The following DNAH1 variants were observed in gnomAD, a reference collection of about 807,000 sequenced individuals.
The protein encoded by DNAH1 is dynein axonemal heavy chain 1, also known as axonemal beta dynein heavy chain 1.
DNAH1 carries 327 observed loss-of-function variants against 484.3 expected under a neutral mutation model. That is an observed-to-expected ratio of 0.68 (90% CI 0.62 to 0.74). The LOEUF (loss-of-function observed/expected upper bound fraction) is 0.74. Ranked by LOEUF, DNAH1 falls within the 30% of genes least tolerant of loss-of-function variation. The pLI is 0.00. For missense variants in DNAH1, 5,052 were observed against 5,546.8 expected (o/e 0.91, Z 2.83); for synonymous variants, 2,192 against 2,191.9 (o/e 1.00, Z 0.00).
At chr3:52,323,949 G>A in intron 3 of DNAH1, 69 bp downstream of exon 3, 1 of 1,250,524 alleles carries the variant, frequency 8.0e-7, no homozygotes, top group Non-Finnish European at 1.1e-6. Context: ...TGGCCTCAGG[G>A]AGACAGCCTT....
chr3:52,382,268 A>G, intron 49 of DNAH1, 52 bp from the exon 50 acceptor site: 2 of 1,613,578 alleles, frequency 1.2e-6, no homozygotes, highest in South Asian at 2.2e-5. Flanking sequence ...ACCACCCTTC[A>G]GCGTCTGGCC....
rs1344279687 is a variant in DNAH1 at position 52,357,810 on chromosome 3, C to T, written c.3980+75C>T. Reference sequence around the variant, plus strand: ...TGAGGTGTCCAGGGCCCTGCTCAGGCTAGGGTGCGGGGATGTCAGCAGGAC... The same window carrying T: ...TGAGGTGTCCAGGGCCCTGCTCAGGTTAGGGTGCGGGGATGTCAGCAGGAC... On this transcript the variant is annotated intron_variant, in intron 23 of 77. Transcript: ENST00000420323. 5.7e-6 allele frequency: 9 copies of T among 1,575,748 alleles called. No individual in the cohort carries two copies. In the East Asian group the frequency reaches 2.1e-4, roughly 37 times the overall value.
In DNAH1 at chr3:52,391,311, C is replaced by T. The variant is rs1411652469; in HGVS notation, c.9874C>T (p.Pro3292Ser). 1 of 1,611,034 alleles carries T rather than the reference C, an allele frequency of 6.2e-7. No individual in the cohort carries two copies. Among genetic ancestry groups the T allele is most frequent in the Non-Finnish European group, 8.5e-7 (1 of 1,178,620 alleles). Residue 3292 changes from proline (P) to serine (S), a missense_variant, in exon 62 of 78, where the codon CCA becomes TCA. Coordinates refer to ENST00000420323, the MANE Select transcript of DNAH1 (RefSeq NM_015512.5). ...VGEELDPALE[P>S]VLLKQTYKQQ... The stretch of plus-strand genomic sequence containing the variant: ...CGAGGAGCTAGACCCAGCCCTGGAG[C>T]CAGTGCTGCTCAAGCAGGTGGGTCT...
chr3:52,356,323 G>A (rs1033031140), intron 21 of DNAH1, among the ~76,000 whole-genome samples: 1 of 152,204 alleles, frequency 6.6e-6, no homozygotes, highest in Non-Finnish European at 1.5e-5. Flanking sequence ...CTTTGCTGGC[G>A]TGGGTGTGTT....
At chr3:52,398,748 T>A (rs1704755686) in intron 75 of DNAH1, 102 bp from the exon 76 acceptor site, 2 of 1,026,748 alleles carry the variant, frequency 1.9e-6, no homozygotes, top group East Asian at 5.4e-5. Flanking sequence ...TTAGCCTCTA[T>A]GTTTTGCCAT....
Position 52,372,274 on chromosome 3 carries a change from T to C in DNAH1, c.6714T>C (p.Ser2238=). 7 of 1,613,978 alleles carry C rather than the reference T, an allele frequency of 4.3e-6. No homozygotes were observed. Among genetic ancestry groups the C allele is most frequent in the Non-Finnish European group, 5.9e-6 (7 of 1,179,856 alleles). Residue 2238 remains serine, a synonymous_variant, in exon 43 of 78, where the codon TCT becomes TCC. Coordinates refer to ENST00000420323, the MANE Select transcript of DNAH1 (RefSeq NM_015512.5). The stretch of plus-strand genomic sequence containing the variant: ...GCACGGGGAAGACGCTCACCATCTC[T>C]GACAAGCTCCTCAAGAACCTGGCAC... ...PTGTGKTLTI[S]DKLLKNLALD...
rs927264387 is a variant in DNAH1 at position 52,390,894 on chromosome 3, C to T, written c.9622-41C>T. ...CTGATGCCCTCAGTGACCCTGCTTG[C>T]AGGAAAGCTCTGACCCAGTCCAGTG... On this transcript the variant is annotated intron_variant, in intron 60 of 77. Transcript: ENST00000420323. 3.2e-6 allele frequency: 5 copies of T among 1,549,770 alleles called. No homozygotes were observed. In the African/African-American group the frequency reaches 5.5e-5, roughly 17 times the overall value.
chr3:52,398,823 C>T, intron 75 of DNAH1, 27 bp from the exon 76 acceptor site: 3 of 1,495,996 alleles, frequency 2.0e-6, no homozygotes, highest in South Asian at 1.4e-5. Context: ...CAGCCCACTA[C>T]CTATTCTCTT....
Position 52,353,078 on chromosome 3 carries a change from C to T in DNAH1, c.3028-25C>T. On this transcript the variant is annotated intron_variant, in intron 18 of 77. Transcript: ENST00000420323. This position sits in a 1 kb window ranked among gnomAD's most constrained non-coding sequence, Gnocchi z 5.0. Reference sequence around the variant, plus strand: ...ACTGGGAAGTGTCCCAAGACAGCCCCAGCCCTGCCCTCCTGTCCCTGCAGT... The same window carrying T: ...ACTGGGAAGTGTCCCAAGACAGCCCTAGCCCTGCCCTCCTGTCCCTGCAGT... 6.3e-7 allele frequency: 1 copy of T among 1,598,632 alleles called. No homozygotes were observed. The highest frequency in any genetic ancestry group is 1.1e-5 in the South Asian group (1 of 88,592).
chr3:52,375,982 G>C lies in DNAH1; in HGVS notation c.7187G>C (p.Arg2396Pro), dbSNP rs200988349. ...LDGLLGEKSY[R>P]ERVPGAPHIA... The stretch of plus-strand genomic sequence containing the variant: ...GGACTCCTTGGAGAAAAAAGCTACC[G>C]GGAGCGTGTGCGTAAGTGTGGGCCT... The change falls in exon 46 of 78, where the codon CGG becomes CCG. Residue 2396 changes from arginine to proline, a missense_variant. Arg to Pro is a moderately radical substitution (Grantham distance 103, BLOSUM62 -2). This residue lies in a region of DNAH1 where 2,929 missense variants were observed against 3,409.4 expected (regional missense o/e 0.86). Coordinates refer to ENST00000420323, the MANE Select transcript of DNAH1 (RefSeq NM_015512.5). The C allele has an allele frequency of 6.2e-7, 1 of 1,612,194 alleles. No homozygotes were observed. Among genetic ancestry groups the C allele is most frequent in the Non-Finnish European group, 8.5e-7 (1 of 1,179,398 alleles).
chr3:52,323,850 C>G lies in DNAH1; in HGVS notation c.376C>G (p.Gln126Glu). The part of the protein sequence containing the change: ...GPRMSQNLLR[Q>E]ADLDKFTPRV... ...CCGAATGAGCCAGAACCTCCTGCGG[C>G]AGGCTGACCTTGACAAGTTCACCCC... Residue 126 changes from glutamine to glutamate, a missense_variant, in exon 3 of 78, where the codon CAG becomes GAG. Coordinates refer to ENST00000420323, the MANE Select transcript of DNAH1 (RefSeq NM_015512.5). 1 of 1,584,030 alleles carries G rather than the reference C, an allele frequency of 6.3e-7. No individual in the cohort carries two copies. The highest frequency in any genetic ancestry group is 8.6e-7 in the Non-Finnish European group (1 of 1,165,032).
the DNAH1 span, among the ~76,000 whole-genome samples, chr3:52,311,053 C>A: frequency 1.3e-5 from 2 of 152,204 alleles, no homozygotes; most frequent in Non-Finnish European, 2.9e-5. Flanking sequence ...GTTTTTCACA[C>A]CCGGGACTTG....
Position 52,391,156 on chromosome 3 carries a change from C to T in DNAH1, c.9742-23C>T, listed in dbSNP as rs201050574. The T allele has an allele frequency of 3.8e-3, 6,138 of 1,613,448 alleles. 13 individuals carry two copies. The highest frequency in any genetic ancestry group is 4.8e-3 in the Non-Finnish European group (5,689 of 1,179,490). On this transcript the variant is annotated intron_variant, in intron 61 of 77. Coordinates refer to ENST00000420323, the MANE Select transcript of DNAH1 (RefSeq NM_015512.5). ...GGCTGGCTCTCAGTCCCTGCAACCC[C>T]TTCTTTTCCCCTTCCCTTACAGGAG...
Position 52,395,138 on chromosome 3 carries a change from A to G in DNAH1, c.10968+79A>G. The G allele has an allele frequency of 1.3e-6, 2 of 1,534,040 alleles. No homozygotes were observed. Among genetic ancestry groups the G allele is most frequent in the East Asian group, 4.8e-5 (2 of 41,470 alleles). The stretch of plus-strand genomic sequence containing the variant: ...GTCCCAGGGCCCTGGCTGCATCTGG[A>G]TAGACTACTTGGCCAGGCCAGGACC... On this transcript the variant is annotated intron_variant, in intron 68 of 77. Coordinates refer to ENST00000420323, the MANE Select transcript of DNAH1 (RefSeq NM_015512.5). The surrounding 1 kb of genome is among the most constrained non-coding windows in gnomAD (Gnocchi z 4.4).
Position 52,397,820 on chromosome 3 carries a change from C to T in DNAH1, c.11901C>T (p.Gly3967=), listed in dbSNP as rs1704704284. 1 of 1,612,784 alleles carries T rather than the reference C, an allele frequency of 6.2e-7. No homozygotes were observed. The highest frequency in any genetic ancestry group is 8.5e-7 in the Non-Finnish European group (1 of 1,179,386). Reference sequence around the variant, plus strand: ...AGAACGAGACGTTCGCCCTCCTGGGCACCATCATCCAGCTGCAACCCAAAT... The same window carrying T: ...AGAACGAGACGTTCGCCCTCCTGGGTACCATCATCCAGCTGCAACCCAAAT... The part of the protein sequence containing the change: ...FAQNETFALL[G]TIIQLQPKSS... Residue 3967 remains glycine (G), a synonymous_variant, in exon 74 of 78, where the codon GGC becomes GGT. Coordinates refer to ENST00000420323, the MANE Select transcript of DNAH1 (RefSeq NM_015512.5).
chr3:52,394,675 C>T lies in DNAH1; in HGVS notation c.10823+14C>T. The T allele has an allele frequency of 1.3e-6, 2 of 1,553,444 alleles. No homozygotes were observed. The highest frequency in any genetic ancestry group is 1.7e-6 in the Non-Finnish European group (2 of 1,146,352). On this transcript the variant is annotated intron_variant, in intron 67 of 77. Transcript: ENST00000420323. ...TGAGCCCCACCGGTTAGCTGGGCCC[C>T]AGAATATGGCAGGATGAGCCCATCG...
chr3:52,335,580 A>T (rs573459902), intron 8 of DNAH1, among the ~76,000 whole-genome samples: 2 of 152,028 alleles, frequency 1.3e-5, no homozygotes, highest in Admixed American at 1.3e-4. Flanking sequence ...AAGTGCTGGG[A>T]TTATAGGTGT....
rs1308456898 is a variant in DNAH1, at chr3:52,388,435, C to A, written c.9189C>A (p.Ala3063=). The part of the protein sequence containing the change: ...VEPKRQALLE[A]QDDLGVTQRI... ...CCCCACAGCAAGCCCTGCTGGAGGC[C>A]CAGGATGACCTGGGGGTGACACAGA... is the stretch of plus-strand genomic sequence containing the variant. The change falls in exon 58 of 78, where the codon GCC becomes GCA. Residue 3063 remains alanine, a synonymous_variant. Coordinates refer to ENST00000420323, the MANE Select transcript of DNAH1 (RefSeq NM_015512.5). 1 of 1,612,110 alleles carries A rather than the reference C, an allele frequency of 6.2e-7. No homozygotes were observed. The highest frequency in any genetic ancestry group is 1.1e-5 in the South Asian group (1 of 90,760).
At chr3:52,388,014 G>C (rs1163395353) in intron 56 of DNAH1, among the ~76,000 whole-genome samples, 153 bp from the exon 57 acceptor site, 1 of 152,158 alleles carries the variant, frequency 6.6e-6, no homozygotes, top group African/African-American at 2.4e-5. Flanking sequence ...GCCTTTCTGG[G>C]CTATGTTGTT....
Sources: allele counts gnomAD v4.1 joint callset (sites outside exome capture counted in the v4.1 genomes callset), GRCh38; gene constraint gnomAD v4.1.1; regional missense constraint gnomAD v4.1.1; non-coding constraint Gnocchi (gnomAD v3.1); transcripts MANE v1.5; gene names NCBI Gene and HGNC (gene_info 2026-07-23, HGNC 2026-07-21).